The following SERINC1 variants were observed in gnomAD, a reference collection of about 807,000 sequenced individuals.
SERINC1 encodes serine incorporator 1.
SERINC1 carries 38 observed loss-of-function variants against 52.9 expected under a neutral mutation model. The ratio of observed to expected loss-of-function variants is 0.72; its 90% confidence interval spans 0.55 to 0.94. The LOEUF is 0.94. Among genes scored for constraint, SERINC1 ranks in the 40% least tolerant of loss-of-function variants. The pLI is 0.00. For synonymous variants in SERINC1, 198 were observed against 183.1 expected (o/e 1.08, Z -0.66); for missense variants, 471 against 533.9 (o/e 0.88, Z 1.16).
chr6:122,448,600 TA>T (rs1774849239), intron 7 of SERINC1, among the ~76,000 whole-genome samples: 1 of 152,270 alleles, frequency 6.6e-6, no homozygotes, highest in East Asian at 1.9e-4. Flanking sequence ...AATTGTAAGG[TA>T]GTCACAGGCT....
chr6:122,464,230 T>C (rs973239121), intron 1 of SERINC1, among the ~76,000 whole-genome samples: 28 of 152,132 alleles, frequency 1.8e-4, no homozygotes, highest in African/African-American at 4.8e-4. Flanking sequence ...GAACTGTATA[T>C]TACAAAGAGT....
chr6:122,453,781 C>T lies in SERINC1; in HGVS notation c.578G>A (p.Cys193Tyr). Residue 193 changes from cysteine to tyrosine, a missense_variant, in exon 5 of 10, where the codon TGT becomes TAT. Cys to Tyr is a radical substitution (Grantham distance 194, BLOSUM62 -2). Coordinates refer to ENST00000339697, the MANE Select transcript of SERINC1 (RefSeq NM_020755.4). ...CGACGAAAGCTTACCTGCATACCAA[C>T]ATCTCGAGTTCCCTTCTTCCATTTT... is the stretch of plus-strand genomic sequence containing the variant. ...VEKMEEGNSRCWYAALLSATA... is the reference protein window; with the variant it reads ...VEKMEEGNSRYWYAALLSATA... 1 of 1,601,660 alleles carries T rather than the reference C, an allele frequency of 6.2e-7. No homozygotes were observed.
intron 1 of SERINC1, among the ~76,000 whole-genome samples, chr6:122,471,312 T>C (rs144686190): frequency 6.6e-6 from 1 of 151,358 alleles, no homozygotes; most frequent in Non-Finnish European, 1.5e-5. Flanking sequence ...ACAGAGTGGG[T>C]ACCCCACCGA....
chr6:122,454,605 A>G (rs937266174), intron 3 of SERINC1: 1 of 194,996 alleles, frequency 5.1e-6, no homozygotes, highest in Non-Finnish European at 1.1e-5. Flanking sequence ...GCTGGAAAAG[A>G]AAGGGAAATG....
intron 9 of SERINC1, among the ~76,000 whole-genome samples, chr6:122,446,094 T>C (rs1774795544): frequency 6.6e-6 from 1 of 152,076 alleles, no homozygotes. Context: ...TAAAAAGTTA[T>C]TAAAAACAGA....
chr6:122,467,948 G>A (rs901886444), intron 1 of SERINC1, among the ~76,000 whole-genome samples: 3 of 151,998 alleles, frequency 2.0e-5, no homozygotes, highest in African/African-American at 7.3e-5. Flanking sequence ...ACAAAATCAA[G>A]AATACACTAT....
At chr6:122,448,091 A>C (rs1446747052) in intron 7 of SERINC1, among the ~76,000 whole-genome samples, 1 of 150,158 alleles carries the variant, frequency 6.7e-6, no homozygotes, top group African/African-American at 2.5e-5. Context: ...CTAACGACAG[A>C]GCGAGACTCT....
chr6:122,451,772 A>ATATATATAT lies in SERINC1; in HGVS notation c.760-19_760-18insATATATATA, dbSNP rs1490435665. On this transcript the variant is annotated intron_variant, in intron 6 of 9. Transcript: ENST00000339697. ...TGTGATTCCTACAAAAAAAAAAAAA[A>ATATATATAT]AAAAATATATATATATATATATAGC... 6.1e-5 allele frequency: 15 copies of ATATATATAT among 246,794 alleles called. No homozygotes were observed. In the East Asian group the frequency reaches 8.9e-4, roughly 15 times the overall value. 15.3% of individuals were successfully genotyped at this position (246,794 alleles called of 1,614,324 possible). A position where few individuals can be genotyped will look rare whatever the true frequency, so the allele number is the denominator to read the frequency against.
At chr6:122,462,621 A>C (rs1224434404) in intron 1 of SERINC1, among the ~76,000 whole-genome samples, 1 of 152,164 alleles carries the variant, frequency 6.6e-6, no homozygotes, top group Non-Finnish European at 1.5e-5. Flanking sequence ...AAATAAAAAC[A>C]ATAAAAATAC....
At chr6:122,463,048 T>C (rs1775130583) in intron 1 of SERINC1, among the ~76,000 whole-genome samples, 1 of 152,166 alleles carries the variant, frequency 6.6e-6, no homozygotes, top group African/African-American at 2.4e-5. Flanking sequence ...CACTACCTGA[T>C]TTCAAGACTA....
intron 1 of SERINC1, among the ~76,000 whole-genome samples, chr6:122,469,342 T>C (rs969880218): frequency 6.6e-6 from 1 of 151,994 alleles, no homozygotes; most frequent in Admixed American, 6.6e-5. Context: ...ATTTAATGAT[T>C]TGAATGTTAC....
At chr6:122,447,312 G>C (rs1156656890) in intron 7 of SERINC1, 47 bp from the exon 8 acceptor site, 1 of 1,465,794 alleles carries the variant, frequency 6.8e-7, no homozygotes. Context: ...TTAAAAAGAT[G>C]TTTTTCAGAG....
At chr6:122,450,083 G>A (rs566287288) in intron 7 of SERINC1, among the ~76,000 whole-genome samples, 3 of 152,152 alleles carry the variant, frequency 2.0e-5, no homozygotes, top group Non-Finnish European at 4.4e-5. Context: ...AGACAACATA[G>A]ACTTCTATTG....
Position 122,443,401 on chromosome 6 carries a change from G to C in SERINC1, c.*1643C>G, listed in dbSNP as rs1267817769. 1 of 151,956 alleles carries C rather than the reference G, an allele frequency of 6.6e-6. No homozygotes were observed. The highest frequency in any genetic ancestry group is 2.4e-5 in the African/African-American group (1 of 41,310). 9.4% of individuals were successfully genotyped at this position (151,956 alleles called of 1,614,324 possible). On this transcript the variant is annotated 3_prime_UTR_variant, in exon 10 of 10. Coordinates refer to ENST00000339697, the MANE Select transcript of SERINC1 (RefSeq NM_020755.4). Reference sequence around the variant, plus strand: ...GTAAAACACAGCCATTCAAAATTGTGGAATACAATGTCTACACACAGAATA... The same window carrying C: ...GTAAAACACAGCCATTCAAAATTGTCGAATACAATGTCTACACACAGAATA...
intron 9 of SERINC1, 100 bp downstream of exon 9, chr6:122,446,672 TCA>T (rs79756345): frequency 0.11 from 77,521 of 721,274 alleles, 4,550 homozygotes; most frequent in South Asian, 0.14. Flanking sequence ...TTGAAATATA[TCA>T]GAGGATAAAA....
At chr6:122,446,611 G>T (rs1774808067) in intron 9 of SERINC1, among the ~76,000 whole-genome samples, 163 bp downstream of exon 9, 1 of 152,114 alleles carries the variant, frequency 6.6e-6, no homozygotes, top group African/African-American at 2.4e-5. Flanking sequence ...AAGCAAGGAA[G>T]TAAAGACTGC....
At chr6:122,455,944 T>G (rs1434470891) in intron 3 of SERINC1, among the ~76,000 whole-genome samples, 1 of 152,174 alleles carries the variant, frequency 6.6e-6, no homozygotes, top group Non-Finnish European at 1.5e-5. Flanking sequence ...ATTTTCTCAT[T>G]AATATTTATA....
chr6:122,452,546 G>C lies in SERINC1; in HGVS notation c.590-489C>G, dbSNP rs1407704300. ...ATCTTAAAAGATACATATTATGCAA[G>C]GGTAAGTCATTATTTAATAAGTCAA... On this transcript the variant is annotated intron_variant, in intron 5 of 9. Coordinates refer to ENST00000339697, the MANE Select transcript of SERINC1 (RefSeq NM_020755.4). Among the ~76,000 whole-genome samples the C allele has an allele frequency of 2.0e-5, 3 of 152,166 alleles. No homozygotes were observed. The East Asian group carries it at 5.8e-4, about 29-fold the overall frequency.
At chr6:122,461,972 T>C (rs926348681) in intron 1 of SERINC1, among the ~76,000 whole-genome samples, 3 of 152,128 alleles carry the variant, frequency 2.0e-5, no homozygotes, top group Non-Finnish European at 2.9e-5. Flanking sequence ...AAATTCTTAA[T>C]GATATTTTAG....
Sources: allele counts gnomAD v4.1 joint callset (sites outside exome capture counted in the v4.1 genomes callset), GRCh38; gene constraint gnomAD v4.1.1; transcripts MANE v1.5; gene names NCBI Gene and HGNC (gene_info 2026-07-23, HGNC 2026-07-21).